RAB27A: variants seen among roughly 807,000 people sequenced by gnomAD.
RAB27A encodes the protein ras-related protein Rab-27A.
Under a neutral mutation model 20.8 loss-of-function variants are expected in RAB27A, and 17 were observed. That is an observed-to-expected ratio of 0.82 (90% CI 0.56 to 1.23). The LOEUF is 1.23. Among genes scored for constraint, RAB27A ranks in the 50% most tolerant of loss-of-function variants. The pLI, the probability that RAB27A is intolerant of heterozygous loss-of-function variation, is 0.00. For synonymous variants in RAB27A, 85 were observed against 92.8 expected (o/e 0.92, Z 0.48); for missense variants, 277 against 266.7 (o/e 1.04, Z -0.27).
At chr15:55,295,110 T>C (rs185433861) in intron 2 of RAB27A, among the ~76,000 whole-genome samples, 1 of 151,864 alleles carries the variant, frequency 6.6e-6, no homozygotes. Flanking sequence ...TCATTAGTCA[T>C]TAAGAAAATG....
chr15:55,318,903 T>C (rs2055094341), intron 1 of RAB27A: 1 of 227,730 alleles, frequency 4.4e-6, no homozygotes, highest in South Asian at 7.7e-5. Context: ...ACAATTACCG[T>C]TACCGTTTTT....
chr15:55,252,607 A>C (rs1896930688), intron 2 of RAB27A, among the ~76,000 whole-genome samples: 1 of 152,058 alleles, frequency 6.6e-6, no homozygotes, highest in African/African-American at 2.4e-5. Context: ...ATCTCAAAAA[A>C]ACGTACAGAA....
chr15:55,273,779 G>A (rs1397308518), intron 1 of RAB27A, among the ~76,000 whole-genome samples: 1 of 152,046 alleles, frequency 6.6e-6, no homozygotes, highest in Non-Finnish European at 1.5e-5. Flanking sequence ...AAGAGAAATA[G>A]ATAACCATAC....
At chr15:55,209,420 C>T in intron 6 of RAB27A, among the ~76,000 whole-genome samples, 1 of 152,116 alleles carries the variant, frequency 6.6e-6, no homozygotes, top group Non-Finnish European at 1.5e-5. Flanking sequence ...GGCTATTTCA[C>T]ATAACATAAT....
At chr15:55,216,558 A>G (rs1455689937) in intron 6 of RAB27A, among the ~76,000 whole-genome samples, 1 of 152,076 alleles carries the variant, frequency 6.6e-6, no homozygotes, top group African/African-American at 2.4e-5. Context: ...AACTCAGAAT[A>G]CATCATCCCA....
chr15:55,313,121 T>C (rs1020941591), intron 2 of RAB27A, among the ~76,000 whole-genome samples: 1 of 152,172 alleles, frequency 6.6e-6, no homozygotes, highest in African/African-American at 2.4e-5. Context: ...TTTAAGTGCA[T>C]AGGAAAAAAT....
chr15:55,248,026 G>T (rs1357544299), intron 2 of RAB27A, among the ~76,000 whole-genome samples: 2 of 150,768 alleles, frequency 1.3e-5, no homozygotes, highest in African/African-American at 4.9e-5. Context: ...CTCTGCCTCA[G>T]GGGTTCACGC....
chr15:55,225,020 G>T (rs1017823051), intron 5 of RAB27A, among the ~76,000 whole-genome samples: 1 of 152,224 alleles, frequency 6.6e-6, no homozygotes, highest in Non-Finnish European at 1.5e-5. Context: ...GGGGTAATAA[G>T]ACCTACAGAG....
At chr15:55,296,314 G>C (rs986768486) in intron 2 of RAB27A, among the ~76,000 whole-genome samples, 1 of 151,692 alleles carries the variant, frequency 6.6e-6, no homozygotes, top group Admixed American at 6.6e-5. Flanking sequence ...TGGCCAACAG[G>C]GTGAAAACCC....
intron 1 of RAB27A, among the ~76,000 whole-genome samples, chr15:55,275,377 A>G (rs1897835176): frequency 6.6e-6 from 1 of 152,228 alleles, no homozygotes. Context: ...CTATAATCCC[A>G]GCAGTTTGGG....
chr15:55,301,788 G>A (rs1317761140), intron 2 of RAB27A, among the ~76,000 whole-genome samples: 2 of 151,724 alleles, frequency 1.3e-5, no homozygotes, highest in African/African-American at 4.8e-5. Flanking sequence ...TGGGACTACA[G>A]GCGTGTGCCA....
rs549149037 is a variant in RAB27A at position 55,208,081 on chromosome 15, T to C, written c.468-2376A>G. Reference sequence around the variant, plus strand: ...GTGGCATCGTCTAATGGAATAGATATTGCAGAACTATTTGTAATAGGGAAA... The same window carrying C: ...GTGGCATCGTCTAATGGAATAGATACTGCAGAACTATTTGTAATAGGGAAA... On this transcript the variant is annotated intron_variant, in intron 6 of 6. Transcript: ENST00000336787. Among the ~76,000 whole-genome samples the C allele has an allele frequency of 1.3e-4, 20 of 152,368 alleles. 1 individual carries two copies. The highest frequency in any genetic ancestry group is 7.8e-4 in the Admixed American group (12 of 15,302).
intron 2 of RAB27A, among the ~76,000 whole-genome samples, chr15:55,257,830 T>C (rs1399070208): frequency 6.6e-6 from 1 of 152,014 alleles, no homozygotes; most frequent in Non-Finnish European, 1.5e-5. Context: ...CTGTCTCTAC[T>C]AAAAATACAA....
chr15:55,266,881 C>T (rs2141087129), intron 2 of RAB27A, among the ~76,000 whole-genome samples: 1 of 152,284 alleles, frequency 6.6e-6, no homozygotes, highest in South Asian at 2.1e-4. Context: ...GTTTAATTTG[C>T]ATTTGGAAAA....
intron 6 of RAB27A, among the ~76,000 whole-genome samples, chr15:55,215,351 A>T (rs1320996356): frequency 6.6e-6 from 1 of 152,202 alleles, no homozygotes. Flanking sequence ...AACATGGATC[A>T]ATGGTTAAGA....
At chr15:55,295,890 G>T (rs957224569) in intron 2 of RAB27A, among the ~76,000 whole-genome samples, 1 of 149,924 alleles carries the variant, frequency 6.7e-6, no homozygotes, top group Non-Finnish European at 1.5e-5. Flanking sequence ...TTTTTTAAAA[G>T]AACCAATACT....
At chr15:55,240,381 G>C (rs1896432260) in intron 2 of RAB27A, among the ~76,000 whole-genome samples, 1 of 152,128 alleles carries the variant, frequency 6.6e-6, no homozygotes, top group Non-Finnish European at 1.5e-5. Context: ...ACACTCTCTT[G>C]CTGAAAATGG....
chr15:55,209,923 C>CACATATGTGTGTATATCCGTATATAT (rs1566896478), intron 6 of RAB27A, among the ~76,000 whole-genome samples: 1 of 82,524 alleles, frequency 1.2e-5, no homozygotes, highest in African/African-American at 8.5e-5. Flanking sequence ...TGTATATACA[C>CACATATGTGTGTATATCCGTATATAT]ACATATATGT....
At chr15:55,274,116 T>C (rs1897783834) in intron 1 of RAB27A, among the ~76,000 whole-genome samples, 1 of 152,138 alleles carries the variant, frequency 6.6e-6, no homozygotes, top group African/African-American at 2.4e-5. Context: ...TTCACAAATC[T>C]GTGGAAATTT....
Sources: allele counts gnomAD v4.1 joint callset (sites outside exome capture counted in the v4.1 genomes callset), GRCh38; gene constraint gnomAD v4.1.1; transcripts MANE v1.5; gene names NCBI Gene and HGNC (gene_info 2026-07-23, HGNC 2026-07-21).